Variants in N4BP2 observed in about 807,000 individuals in gnomAD.
N4BP2 encodes the protein NEDD4 binding protein 2.
In N4BP2, 91 loss-of-function variants were observed where a neutral mutation model predicts 152.8. The ratio of observed to expected loss-of-function variants is 0.60; its 90% CI spans 0.50 to 0.71. The LOEUF (loss-of-function observed/expected upper bound fraction) is 0.71. N4BP2 is among the 30% of genes least tolerant of loss of function. N4BP2 has a pLI of 0.00. For missense variants in N4BP2, 1,923 were observed against 2,059.1 expected (o/e 0.93, Z 1.28); for synonymous variants, 646 against 705.3 (o/e 0.92, Z 1.33).
At chr4:40,149,049 A>G (rs577006121) in intron 16 of N4BP2, among the ~76,000 whole-genome samples, 43 of 152,346 alleles carry the variant, frequency 2.8e-4, no homozygotes, top group Non-Finnish European at 3.5e-4. Flanking sequence ...GAAAAATTTC[A>G]CTAGTTCTTT....
intron 2 of N4BP2, among the ~76,000 whole-genome samples, chr4:40,076,455 G>C (rs1227800290): frequency 1.3e-5 from 2 of 152,076 alleles, no homozygotes; most frequent in Non-Finnish European, 2.9e-5. Flanking sequence ...TAGCTTAGGT[G>C]ACAGAGGGAG....
the N4BP2 span, among the ~76,000 whole-genome samples, chr4:40,170,066 A>T: frequency 6.6e-6 from 1 of 152,064 alleles, no homozygotes; most frequent in African/African-American, 2.4e-5. Context: ...AAAATCTCTG[A>T]AAAAAGAGAA....
chr4:40,078,966 G>GT (rs923417969), intron 2 of N4BP2, among the ~76,000 whole-genome samples: 1 of 151,646 alleles, frequency 6.6e-6, no homozygotes, highest in Admixed American at 6.6e-5. Flanking sequence ...TTTTTTAGTT[G>GT]TTTAGAGTGG....
At chr4:40,100,108 C>T in intron 3 of N4BP2, 1 of 455,892 alleles carries the variant, frequency 2.2e-6, no homozygotes, top group Non-Finnish European at 4.4e-6. Flanking sequence ...CTCATTTAAT[C>T]CTCACAGCAA....
chr4:40,120,459 A>T lies in N4BP2; in HGVS notation c.2348A>T (p.Glu783Val), dbSNP rs368854449. Residue 783 changes from glutamate to valine, a missense_variant, in exon 9 of 18, where the codon GAG (glutamate) becomes GTG (valine). Glu to Val is a moderately radical substitution (Grantham distance 121). Coordinates refer to ENST00000261435, the MANE Select transcript of N4BP2 (RefSeq NM_018177.6). ...ACTTTGGAAAAGTTCCCAAGACATG[A>T]GCTATCAAATTTTGTTGGTGACTGG... ...KSTLEKFPRH[E>V]LSNFVGDWPV... 44 of 1,613,876 alleles carry T rather than the reference A, an allele frequency of 2.7e-5. No homozygotes were observed. In the African/African-American group the frequency reaches 5.6e-4, roughly 21 times the overall value.
the N4BP2 span, among the ~76,000 whole-genome samples, chr4:40,164,578 A>G: frequency 1.3e-5 from 2 of 152,206 alleles, no homozygotes; most frequent in Non-Finnish European, 2.9e-5. Context: ...CTGACTCAAC[A>G]CAGCCCCATG....
At chr4:40,098,213 C>T (rs1715278243) in intron 3 of N4BP2, among the ~76,000 whole-genome samples, 1 of 152,178 alleles carries the variant, frequency 6.6e-6, no homozygotes, top group Non-Finnish European at 1.5e-5. Flanking sequence ...AGAGTTGAGG[C>T]TAGCAGAATA....
At chr4:40,167,789 A>G in the N4BP2 span, 1 of 152,240 alleles carries the variant, frequency 6.6e-6, no homozygotes, top group Non-Finnish European at 1.5e-5. Flanking sequence ...GAAATGACTG[A>G]AAATGTGTAC....
intron 10 of N4BP2, among the ~76,000 whole-genome samples, chr4:40,123,659 T>TC (rs2110001654): frequency 6.6e-6 from 1 of 151,930 alleles, no homozygotes; most frequent in East Asian, 1.9e-4. Flanking sequence ...GTAATTTTTT[T>TC]TTTTTTGTAG....
intron 3 of N4BP2, among the ~76,000 whole-genome samples, chr4:40,097,961 C>T (rs1208178309): frequency 6.6e-6 from 1 of 152,164 alleles, no homozygotes; most frequent in Non-Finnish European, 1.5e-5. Flanking sequence ...TAGCTCCTTA[C>T]CACCCAGTTG....
chr4:40,104,102 AC>A lies in N4BP2; in HGVS notation c.1373+886del, dbSNP rs1296469722. Among the ~76,000 whole-genome samples, 13 of 151,740 alleles carry A rather than the reference AC, an allele frequency of 8.6e-5. No individual in the cohort carries two copies. In the East Asian group the frequency reaches 1.2e-3, roughly 14 times the overall value. On this transcript the variant is annotated intron_variant, in intron 4 of 17. Transcript: ENST00000261435. The stretch of plus-strand genomic sequence containing the variant: ...CGAGCAGCTGGGACTACAGGCGCCC[AC>A]CACCACGCCCAGCTACTTTTTTGTA...
At chr4:40,081,782 C>T (rs1713393760) in intron 2 of N4BP2, among the ~76,000 whole-genome samples, 1 of 151,956 alleles carries the variant, frequency 6.6e-6, no homozygotes, top group Non-Finnish European at 1.5e-5. Context: ...TTGAGACCAG[C>T]CTGGCCAATG....
Position 40,078,203 on chromosome 4 carries a change from GA to G in N4BP2, c.-115+4654del, listed in dbSNP as rs1159023115. 5.9e-5 allele frequency among the ~76,000 whole-genome samples: 9 copies of G among 151,686 alleles called. No homozygotes were observed. The Middle Eastern group carries it at 0.017, about 289-fold the overall frequency. ...AGACAGTCTTGTGTTGCCCAGGCTGGAATGCAGTGGCAGGATTTCAGCCTCC... is the reference window on the plus strand; with the variant it reads ...AGACAGTCTTGTGTTGCCCAGGCTGGATGCAGTGGCAGGATTTCAGCCTCC... On this transcript the variant is annotated intron_variant, in intron 2 of 17. Coordinates refer to ENST00000261435, the MANE Select transcript of N4BP2 (RefSeq NM_018177.6).
At chr4:40,065,206 G>A (rs1036141157) in intron 1 of N4BP2, among the ~76,000 whole-genome samples, 4 of 152,198 alleles carry the variant, frequency 2.6e-5, no homozygotes, top group Admixed American at 6.6e-5. Context: ...AAGGGATCAC[G>A]TCATAGAAGT....
intron 14 of N4BP2, 38 bp from the exon 15 acceptor site, chr4:40,142,635 C>A: frequency 1.4e-6 from 2 of 1,442,792 alleles, no homozygotes; most frequent in South Asian, 1.3e-5. Context: ...TTTTTTTTAA[C>A]TTTCTGTGTG....
At chr4:40,112,054 A>G (rs1186366106) in intron 5 of N4BP2, 30 bp from the exon 6 acceptor site, 1 of 1,208,592 alleles carries the variant, frequency 8.3e-7, no homozygotes, top group Non-Finnish European at 1.2e-6. Flanking sequence ...TTGTTTAAAA[A>G]ATGATTTTTA....
the N4BP2 span, among the ~76,000 whole-genome samples, chr4:40,177,301 G>C: frequency 6.6e-6 from 1 of 152,132 alleles, no homozygotes; most frequent in East Asian, 1.9e-4. Flanking sequence ...AAGGGAATTT[G>C]TAGTTGTTTT....
chr4:40,175,541 C>T, the N4BP2 span, among the ~76,000 whole-genome samples: 8 of 152,052 alleles, frequency 5.3e-5, no homozygotes, highest in Non-Finnish European at 8.8e-5. Flanking sequence ...AAACAACTGG[C>T]GGGTCACTGA....
Position 40,152,760 on chromosome 4 carries a change from C to A in N4BP2, c.5144-20C>A. The stretch of plus-strand genomic sequence containing the variant: ...TGTAAGATAAATGAATTTTAACTCC[C>A]CTGATTTCTGTTGTAACAGAATTTA... On this transcript the variant is annotated intron_variant, in intron 16 of 17. Coordinates refer to ENST00000261435, the MANE Select transcript of N4BP2 (RefSeq NM_018177.6). 8 of 1,612,838 alleles carry A rather than the reference C, an allele frequency of 5.0e-6. No homozygotes were observed. Among genetic ancestry groups the A allele is most frequent in the Non-Finnish European group, 6.8e-6 (8 of 1,179,336 alleles).
Sources: allele counts gnomAD v4.1 joint callset (sites outside exome capture counted in the v4.1 genomes callset), GRCh38; gene constraint gnomAD v4.1.1; transcripts MANE v1.5; gene names NCBI Gene and HGNC (gene_info 2026-07-23, HGNC 2026-07-21).